The following SWT1 variants were observed in gnomAD, a reference collection of about 807,000 sequenced individuals.
SWT1 encodes transcriptional protein SWT1.
Under a neutral mutation model 107.3 loss-of-function variants are expected in SWT1, and 33 were observed. The ratio of observed to expected loss-of-function variants is 0.31; its 90% CI spans 0.23 to 0.41. The LOEUF (loss-of-function observed/expected upper bound fraction) is 0.41, where lower values mean the gene tolerates loss of function less well. SWT1 is among the 10% of genes least tolerant of loss of function. The pLI is 1.00. For missense variants in SWT1, 898 were observed against 1,028.9 expected (o/e 0.87, Z 1.74); for synonymous variants, 345 against 348.3 (o/e 0.99, Z 0.11).
chr1:185,207,571 G>A (rs1032591300), intron 13 of SWT1, among the ~76,000 whole-genome samples: 1 of 152,206 alleles, frequency 6.6e-6, no homozygotes, highest in Non-Finnish European at 1.5e-5. Context: ...AACAGTAAGT[G>A]ACTTGTTCAA....
At chr1:185,235,320 T>G (rs1223119132) in intron 16 of SWT1, among the ~76,000 whole-genome samples, 5 of 152,060 alleles carry the variant, frequency 3.3e-5, no homozygotes, top group Non-Finnish European at 5.9e-5. Context: ...CTAATAAAAT[T>G]ATGGCACACC....
chr1:185,255,204 G>A (rs1292030432), intron 16 of SWT1, among the ~76,000 whole-genome samples: 5 of 152,174 alleles, frequency 3.3e-5, no homozygotes, highest in African/African-American at 9.6e-5. Flanking sequence ...TTCCAAGTAT[G>A]TGGTCAGTTT....
rs544706171 is a variant in SWT1, at chr1:185,214,006, GT to G, written c.1973-497del. Among the ~76,000 whole-genome samples the G allele has an allele frequency of 3.9e-5, 6 of 152,112 alleles. No individual in the cohort carries two copies. In the East Asian group the frequency reaches 1.2e-3, roughly 29 times the overall value. Reference sequence around the variant, plus strand: ...GTTGTACATATAGAGATAACTCATAGTTTTCAATAAACATAGTATTGAGTTT... The same window carrying G: ...GTTGTACATATAGAGATAACTCATAGTTTCAATAAACATAGTATTGAGTTT... On this transcript the variant is annotated intron_variant, in intron 13 of 18. Coordinates refer to ENST00000367500, the MANE Select transcript of SWT1 (RefSeq NM_017673.7).
At chr1:185,213,195 T>C (rs1285943404) in intron 13 of SWT1, among the ~76,000 whole-genome samples, 1 of 152,200 alleles carries the variant, frequency 6.6e-6, no homozygotes, top group African/African-American at 2.4e-5. Flanking sequence ...ATTAAACATA[T>C]GTTACATTGG....
At chr1:185,280,050 C>A (rs1167871600) in intron 18 of SWT1, among the ~76,000 whole-genome samples, 1 of 152,136 alleles carries the variant, frequency 6.6e-6, no homozygotes, top group Non-Finnish European at 1.5e-5. Flanking sequence ...CAAATCTCAT[C>A]TTGAATTGTA....
intron 16 of SWT1, among the ~76,000 whole-genome samples, chr1:185,257,438 G>C (rs568611782): frequency 6.7e-6 from 1 of 150,314 alleles, no homozygotes; most frequent in Non-Finnish European, 1.5e-5. Context: ...GCGAGACTCC[G>C]TGGGCGTAGG....
intron 9 of SWT1, among the ~76,000 whole-genome samples, 154 bp downstream of exon 9, chr1:185,185,085 A>G (rs1297816723): frequency 2.0e-5 from 3 of 152,340 alleles, no homozygotes; most frequent in Middle Eastern, 6.8e-3. Context: ...TTAGTTTAGG[A>G]GTCTTTGACT....
intron 1 of SWT1, among the ~76,000 whole-genome samples, chr1:185,158,734 G>T (rs573069664): frequency 6.6e-6 from 1 of 152,258 alleles, no homozygotes; most frequent in African/African-American, 2.4e-5. Flanking sequence ...AATGTTTGAA[G>T]AATTAAATAA....
intron 6 of SWT1, 43 bp downstream of exon 6, chr1:185,180,493 A>C (rs918428581): frequency 2.7e-5 from 37 of 1,389,548 alleles, no homozygotes; most frequent in Non-Finnish European, 3.1e-5. Context: ...TAATGAAATT[A>C]AGTCAGTTCC....
At chr1:185,181,129 A>G (rs1655986317) in intron 6 of SWT1, among the ~76,000 whole-genome samples, 1 of 152,126 alleles carries the variant, frequency 6.6e-6, no homozygotes, top group South Asian at 2.1e-4. Flanking sequence ...TTAGCTGGGC[A>G]TGGTGGTACA....
chr1:185,241,102 T>C (rs1301744562), intron 16 of SWT1, among the ~76,000 whole-genome samples: 1 of 152,144 alleles, frequency 6.6e-6, no homozygotes, highest in Non-Finnish European at 1.5e-5. Context: ...CATCCTTTAC[T>C]TTACACAAAG....
chr1:185,172,316 G>A (rs1655144397), intron 4 of SWT1, among the ~76,000 whole-genome samples: 1 of 152,058 alleles, frequency 6.6e-6, no homozygotes, highest in African/African-American at 2.4e-5. Context: ...TTAAGATGTT[G>A]AGACCATATT....
At position 185,240,986 on chromosome 1, in the gene SWT1, G is replaced by A. The variant is rs148283991; in HGVS notation, c.2441+9278G>A. Among the ~76,000 whole-genome samples, 801 of 152,108 alleles carry A rather than the reference G, an allele frequency of 5.3e-3. 10 individuals carry two copies. Among genetic ancestry groups the A allele is most frequent in the Non-Finnish European group, 8.2e-3 (558 of 67,918 alleles). ...TCCACTAATATGCTTCAAAGATACT[G>A]ATTTTTGCTTTTGAGATAAAATTTT... On this transcript the variant is annotated intron_variant, in intron 16 of 18. Transcript: ENST00000367500.
At chr1:185,191,398 C>T (rs1656937450) in intron 10 of SWT1, among the ~76,000 whole-genome samples, 1 of 152,014 alleles carries the variant, frequency 6.6e-6, no homozygotes, top group African/African-American at 2.4e-5. Context: ...TTTTTTTAAT[C>T]AGTCTACATC....
At chr1:185,236,866 A>G (rs752305775) in intron 16 of SWT1, among the ~76,000 whole-genome samples, 1 of 151,704 alleles carries the variant, frequency 6.6e-6, no homozygotes, top group Non-Finnish European at 1.5e-5. Flanking sequence ...ATAGATTTAC[A>G]AGAAAAAAAC....
intron 16 of SWT1, among the ~76,000 whole-genome samples, chr1:185,248,366 T>G (rs1661760413): frequency 6.6e-6 from 1 of 152,240 alleles, no homozygotes; most frequent in Non-Finnish European, 1.5e-5. Flanking sequence ...TCAGAGAAGT[T>G]GCAGGATACG....
intron 16 of SWT1, among the ~76,000 whole-genome samples, chr1:185,255,815 C>T (rs1662457936): frequency 6.6e-6 from 1 of 151,624 alleles, no homozygotes; most frequent in South Asian, 2.1e-4. Context: ...GAATTTGACC[C>T]TGTCATTATG....
In SWT1 at chr1:185,214,633, A is replaced by G. The variant is rs1659074090; in HGVS notation, c.2099A>G (p.Asn700Ser). Residue 700 changes from asparagine (N) to serine (S), a missense_variant, in exon 14 of 19, where the codon AAC becomes AGC. By Grantham distance (46) the Asn-to-Ser change is conservative. This residue lies in a region of SWT1 where 382 missense variants were observed against 460.0 expected (regional missense o/e 0.83). Coordinates refer to ENST00000367500, the MANE Select transcript of SWT1 (RefSeq NM_017673.7). ...CCACAGACCTTTGCTCAAGTAAACAACCTCCTTCAGACATTTGCAGAGGTA... is the reference window on the plus strand; with the variant it reads ...CCACAGACCTTTGCTCAAGTAAACAGCCTCCTTCAGACATTTGCAGAGGTA... ...ILPQTFAQVN[N>S]LLQTFAEVKT... 1 of 1,610,230 alleles carries G rather than the reference A, an allele frequency of 6.2e-7. No homozygotes were observed. The highest frequency in any genetic ancestry group is 1.3e-5 in the African/African-American group (1 of 74,698).
intron 13 of SWT1, among the ~76,000 whole-genome samples, chr1:185,213,059 T>A (rs571799481): frequency 2.6e-5 from 4 of 152,206 alleles, no homozygotes; most frequent in African/African-American, 9.6e-5. Context: ...ACTATTTCAT[T>A]CATGTAGATT....
Sources: allele counts gnomAD v4.1 joint callset (sites outside exome capture counted in the v4.1 genomes callset), GRCh38; gene constraint gnomAD v4.1.1; regional missense constraint gnomAD v4.1.1; transcripts MANE v1.5; gene names NCBI Gene and HGNC (gene_info 2026-07-23, HGNC 2026-07-21).